The following TMEM123 variants were observed in gnomAD, a reference collection of about 807,000 sequenced individuals.
TMEM123 encodes transmembrane protein 123.
A neutral mutation model predicts 19.7 loss-of-function variants in TMEM123; 16 were observed. That is an observed-to-expected ratio of 0.81 (90% CI 0.55 to 1.23). The LOEUF (loss-of-function observed/expected upper bound fraction) is 1.23. TMEM123 is among the 50% of genes most tolerant of loss of function. The pLI is 0.00. For missense variants in TMEM123, 313 were observed against 257.8 expected (o/e 1.21, Z -1.47); for synonymous variants, 118 against 99.4 (o/e 1.19, Z -1.12).
At chr11:102,411,801 T>C (rs1251911422) in intron 2 of TMEM123, among the ~76,000 whole-genome samples, 1 of 152,224 alleles carries the variant, frequency 6.6e-6, no homozygotes, top group Non-Finnish European at 1.5e-5. Flanking sequence ...ATGTCTTATA[T>C]TTTCATTTCA....
intron 2 of TMEM123, among the ~76,000 whole-genome samples, chr11:102,412,889 A>T (rs921687480): frequency 6.6e-6 from 1 of 152,244 alleles, no homozygotes; most frequent in Non-Finnish European, 1.5e-5. Flanking sequence ...TGACTTCTTC[A>T]CATACCTTCA....
chr11:102,406,868 CAAAAA>C (rs61413300), intron 2 of TMEM123, among the ~76,000 whole-genome samples: 8 of 86,292 alleles, frequency 9.3e-5, no homozygotes, highest in Non-Finnish European at 1.6e-4. Context: ...GAGGCTCCGT[CAAAAA>C]AAAAAAAAAA....
rs1460510226 is a variant in TMEM123 at position 102,445,024 on chromosome 11, T to TGGGGGGAA, written c.157+3780_157+3787dup. Reference sequence around the variant, plus strand: ...TCACACACCAGGGCCTGTCGTGGGGTGGGGGGAAGGGGGGAGGGATAGCAT... The same window carrying TGGGGGGAA: ...TCACACACCAGGGCCTGTCGTGGGGTGGGGGGAAGGGGGGAAGGGGGGAGGGATAGCAT... On this transcript the variant is annotated intron_variant, in intron 2 of 4. Coordinates refer to ENST00000398136, the MANE Select transcript of TMEM123 (RefSeq NM_052932.3). 8.0e-4 allele frequency among the ~76,000 whole-genome samples: 66 copies of TGGGGGGAA among 81,992 alleles called. No homozygotes were observed. In the East Asian group the frequency reaches 0.02, roughly 25 times the overall value. The allele number at this position is 81,992 out of a possible 152,430, so 53.8% of individuals were successfully genotyped here. A position where few individuals can be genotyped will look rare whatever the true frequency, so the allele number is the denominator to read the frequency against.
At chr11:102,419,264 T>TCATC (rs1419072435) in intron 2 of TMEM123, among the ~76,000 whole-genome samples, 1 of 152,240 alleles carries the variant, frequency 6.6e-6, no homozygotes, top group African/African-American at 2.4e-5. Context: ...ATTCATTCAT[T>TCATC]CATCCATATT....
At position 102,401,709 on chromosome 11, in the gene TMEM123, CAAAA is replaced by C. The variant is rs767289878; in HGVS notation, c.449-21_449-18del. The C allele has an allele frequency of 1.3e-6, 2 of 1,559,480 alleles. No individual in the cohort carries two copies. The highest frequency in any genetic ancestry group is 1.7e-6 in the Non-Finnish European group (2 of 1,163,424). Reference sequence around the variant, plus strand: ...TTGTTGTGACTAGAACAAAAGAAAACAAAAAAGGGCTTTAGCGTTATTTTTTTTT... The same window carrying C: ...TTGTTGTGACTAGAACAAAAGAAAACAAGGGCTTTAGCGTTATTTTTTTTT... On this transcript the variant is annotated intron_variant, in intron 3 of 4. Coordinates refer to ENST00000398136, the MANE Select transcript of TMEM123 (RefSeq NM_052932.3).
chr11:102,407,396 T>G (rs185749754), intron 2 of TMEM123, among the ~76,000 whole-genome samples: 9 of 152,112 alleles, frequency 5.9e-5, no homozygotes, highest in Non-Finnish European at 1.0e-4. Context: ...GTTGGGAGGG[T>G]AGAGCCACCA....
At chr11:102,451,148 G>C (rs1375597391) in intron 1 of TMEM123, 1 of 151,728 alleles carries the variant, frequency 6.6e-6, no homozygotes, top group African/African-American at 2.4e-5. Flanking sequence ...GCTAAAATAG[G>C]GCAAAAAAAA....
At chr11:102,440,579 C>G (rs1857814748) in intron 2 of TMEM123, among the ~76,000 whole-genome samples, 1 of 152,160 alleles carries the variant, frequency 6.6e-6, no homozygotes. Context: ...ACAACCGTAC[C>G]AGCCACTGCA....
At position 102,397,688 on chromosome 11, in the gene TMEM123, TAAAATATTTTGGTG is replaced by T. The variant is rs1380568351; in HGVS notation, c.*1165_*1178del. 6.6e-6 allele frequency: 1 copy of T among 151,892 alleles called. No individual in the cohort carries two copies. The highest frequency in any genetic ancestry group is 6.6e-5 in the Admixed American group (1 of 15,258). The allele number at this position is 151,892 out of a possible 1,614,324, so 9.4% of individuals were successfully genotyped here. On this transcript the variant is annotated 3_prime_UTR_variant, in exon 5 of 5. Coordinates refer to ENST00000398136, the MANE Select transcript of TMEM123 (RefSeq NM_052932.3). ...CTCAAAACTTTCTAAGAATTTATTCTAAAATATTTTGGTGTTTGTTTTAGTATAAAAATGTCATT... is the reference window on the plus strand; with the variant it reads ...CTCAAAACTTTCTAAGAATTTATTCTTTTGTTTTAGTATAAAAATGTCATT...
chr11:102,407,015 G>C (rs1318922017), intron 2 of TMEM123, among the ~76,000 whole-genome samples: 2 of 152,062 alleles, frequency 1.3e-5, no homozygotes, highest in Non-Finnish European at 2.9e-5. Flanking sequence ...CTTAGCAGGA[G>C]GATCTCCCAG....
chr11:102,442,357 T>C (rs1474339721), intron 2 of TMEM123, among the ~76,000 whole-genome samples: 4 of 152,214 alleles, frequency 2.6e-5, no homozygotes, highest in Non-Finnish European at 4.4e-5. Flanking sequence ...CACAATCAAG[T>C]TGGCTTCATC....
intron 2 of TMEM123, among the ~76,000 whole-genome samples, chr11:102,403,873 A>G (rs895069761): frequency 6.6e-5 from 10 of 152,208 alleles, no homozygotes; most frequent in African/African-American, 1.7e-4. Flanking sequence ...CGGGTTTTCT[A>G]TCTTTGCAGT....
Position 102,452,553 on chromosome 11 carries a change from C to A in TMEM123, c.71G>T (p.Gly24Val). ...LGTLQVLALL[G>V]AAHESAAMAA... ...CATGGCTGCGCTTTCATGGGCGGCC[C>A]CCAGCAGCGCTAGCACCTGCAGCGT... Residue 24 changes from glycine (G) to valine (V), a missense_variant, in exon 1 of 5, where the codon GGG becomes GTG. Transcript: ENST00000398136. 6.4e-7 allele frequency: 1 copy of A among 1,568,584 alleles called. No individual in the cohort carries two copies.
chr11:102,434,310 T>C (rs1857740739), intron 2 of TMEM123, among the ~76,000 whole-genome samples: 1 of 152,032 alleles, frequency 6.6e-6, no homozygotes, highest in Non-Finnish European at 1.5e-5. Context: ...GACATTTCAT[T>C]GTGGTTTTAA....
intron 4 of TMEM123, among the ~76,000 whole-genome samples, chr11:102,400,373 T>C (rs1320410651): frequency 6.6e-6 from 1 of 152,232 alleles, no homozygotes; most frequent in Admixed American, 6.5e-5. Flanking sequence ...TGTATATCAA[T>C]ATTTTAAAGG....
intron 1 of TMEM123, among the ~76,000 whole-genome samples, chr11:102,451,391 G>A (rs1857937350): frequency 6.6e-6 from 1 of 152,146 alleles, no homozygotes; most frequent in Admixed American, 6.5e-5. Flanking sequence ...AAGCCAGTTT[G>A]TCACACGCAC....
Position 102,452,545 on chromosome 11 carries a change from G to C in TMEM123, c.79C>G (p.His27Asp). Reference protein sequence around the residue: ...LQVLALLGAAHESAAMAASAN... With the variant: ...LQVLALLGAADESAAMAASAN... ...TTACCCGCCATGGCTGCGCTTTCAT[G>C]GGCGGCCCCCAGCAGCGCTAGCACC... is the stretch of plus-strand genomic sequence containing the variant. The change falls in exon 1 of 5, where the codon CAT becomes GAT. Residue 27 changes from histidine (H) to aspartate (D), a missense_variant. Transcript: ENST00000398136. The C allele has an allele frequency of 6.4e-7, 1 of 1,561,132 alleles. No homozygotes were observed. Among genetic ancestry groups the C allele is most frequent in the Non-Finnish European group, 8.6e-7 (1 of 1,157,566 alleles).
chr11:102,418,070 G>GAA (rs71063079), intron 2 of TMEM123, among the ~76,000 whole-genome samples: 133 of 149,198 alleles, frequency 8.9e-4, no homozygotes, highest in East Asian at 3.1e-3. Flanking sequence ...GAGGGAAGCA[G>GAA]AAAAAAAAAA....
intron 2 of TMEM123, among the ~76,000 whole-genome samples, chr11:102,423,991 A>G (rs1952105988): frequency 6.6e-6 from 1 of 152,242 alleles, no homozygotes; most frequent in Admixed American, 6.5e-5. Flanking sequence ...ATCTCCTGTA[A>G]AAGAAAAGAA....
Sources: gnomAD v4.1 joint callset for allele counts (sites outside exome capture counted in the v4.1 genomes callset) on GRCh38, gnomAD v4.1.1 for gene constraint, MANE v1.5 for transcripts, NCBI Gene and HGNC (gene_info 2026-07-23, HGNC 2026-07-21) for gene names.